KCNAB1: variants seen among roughly 807,000 people sequenced by gnomAD.
KCNAB1 encodes potassium voltage-gated channel subfamily A regulatory beta subunit 1.
In KCNAB1, 35 loss-of-function variants were observed where a neutral mutation model predicts 64.6. The observed-to-expected ratio is 0.54, with a 90% CI of 0.41 to 0.72. The LOEUF (loss-of-function observed/expected upper bound fraction) is 0.72. KCNAB1 is among the 30% of genes least tolerant of loss of function. The pLI, the probability that KCNAB1 is intolerant of heterozygous loss-of-function variation, is 0.00. For missense variants in KCNAB1, 401 were observed against 512.9 expected (o/e 0.78, Z 2.11); for synonymous variants, 177 against 183.8 (o/e 0.96, Z 0.30).
chr3:156,345,633 G>A (rs959815888), intron 1 of KCNAB1, among the ~76,000 whole-genome samples: 1 of 152,242 alleles, frequency 6.6e-6, no homozygotes, highest in South Asian at 2.1e-4. Flanking sequence ...TTGTTGAATA[G>A]TGAGGACAGA....
At chr3:156,469,620 C>G (rs1295182882) in intron 7 of KCNAB1, among the ~76,000 whole-genome samples, 1 of 152,050 alleles carries the variant, frequency 6.6e-6, no homozygotes. Context: ...ATGGATAAAC[C>G]AGTTCAGCTG....
At chr3:156,168,279 G>C (rs76412240) in intron 1 of KCNAB1, among the ~76,000 whole-genome samples, 1 of 151,362 alleles carries the variant, frequency 6.6e-6, no homozygotes, top group East Asian at 2.0e-4. Context: ...CAGCATATAA[G>C]TATCTATCAA....
intron 1 of KCNAB1, among the ~76,000 whole-genome samples, chr3:156,168,944 T>G (rs1711782195): frequency 1.3e-5 from 2 of 152,218 alleles, no homozygotes; most frequent in South Asian, 4.1e-4. Flanking sequence ...TCCATGACTC[T>G]GATGAAGATG....
At chr3:156,525,929 A>C (rs953963398) in intron 12 of KCNAB1, among the ~76,000 whole-genome samples, 2 of 152,224 alleles carry the variant, frequency 1.3e-5, no homozygotes, top group Admixed American at 6.5e-5. Flanking sequence ...CTAAGTGCAC[A>C]GTGTTTACAA....
chr3:156,411,803 A>C (rs1438212365), intron 1 of KCNAB1, among the ~76,000 whole-genome samples: 1 of 152,170 alleles, frequency 6.6e-6, no homozygotes, highest in Non-Finnish European at 1.5e-5. Flanking sequence ...TTAAATCTTG[A>C]AATCAGATAG....
upstream of KCNAB1, among the ~76,000 whole-genome samples, chr3:156,118,838 C>T (rs1238498736): frequency 1.3e-5 from 2 of 152,220 alleles, no homozygotes; most frequent in East Asian, 3.9e-4. Flanking sequence ...CTCCAGTCTA[C>T]ACTTCGGGGA....
chr3:156,340,572 C>T (rs2108064376), intron 1 of KCNAB1, among the ~76,000 whole-genome samples: 1 of 152,300 alleles, frequency 6.6e-6, no homozygotes, highest in Middle Eastern at 3.4e-3. Flanking sequence ...CCTTCCTAAC[C>T]CATCTTGGTT....
At chr3:156,158,175 AT>A (rs368156694) in intron 1 of KCNAB1, among the ~76,000 whole-genome samples, 33,795 of 112,618 alleles carry the variant, frequency 0.3, 6,370 homozygotes, top group East Asian at 0.52. Context: ...AAAAAAAAAA[AT>A]AAAAAATAAA....
At chr3:156,473,236 A>G (rs1041847582) in intron 7 of KCNAB1, among the ~76,000 whole-genome samples, 1 of 152,176 alleles carries the variant, frequency 6.6e-6, no homozygotes, top group Non-Finnish European at 1.5e-5. Context: ...GCAATTCTGA[A>G]GGTGTCAGTA....
At chr3:156,482,161 T>C (rs1559908348) in intron 8 of KCNAB1, among the ~76,000 whole-genome samples, 1 of 152,078 alleles carries the variant, frequency 6.6e-6, no homozygotes, top group African/African-American at 2.4e-5. Context: ...AAACTCTTTA[T>C]GCCCTTTAAG....
At chr3:156,268,408 A>T (rs1266937834) in intron 1 of KCNAB1, among the ~76,000 whole-genome samples, 1 of 152,208 alleles carries the variant, frequency 6.6e-6, no homozygotes, top group Admixed American at 6.5e-5. Flanking sequence ...TTGCTGGATC[A>T]TATAGTAGCT....
intron 1 of KCNAB1, among the ~76,000 whole-genome samples, chr3:156,333,462 AT>A (rs1723481448): frequency 6.6e-6 from 1 of 152,054 alleles, no homozygotes; most frequent in South Asian, 2.1e-4. Flanking sequence ...TCATATCAGT[AT>A]GTATTGCTTC....
chr3:156,210,240 T>C (rs1261906121), intron 1 of KCNAB1, among the ~76,000 whole-genome samples: 1 of 152,164 alleles, frequency 6.6e-6, no homozygotes, highest in East Asian at 1.9e-4. Flanking sequence ...TTGGCCCTGC[T>C]CTATGGAGCA....
chr3:156,191,951 A>G (rs1348766483), intron 1 of KCNAB1, among the ~76,000 whole-genome samples: 2 of 152,176 alleles, frequency 1.3e-5, no homozygotes, highest in Non-Finnish European at 2.9e-5. Context: ...TAATACCTAA[A>G]GTTTTACAGC....
At chr3:156,178,190 T>A (rs1712529129) in intron 1 of KCNAB1, among the ~76,000 whole-genome samples, 1 of 152,224 alleles carries the variant, frequency 6.6e-6, no homozygotes, top group Non-Finnish European at 1.5e-5. Flanking sequence ...CGTGTTCCTG[T>A]GAACCTGCTT....
Position 156,190,848 on chromosome 3 carries a change from G to A in KCNAB1, c.275+69962G>A, listed in dbSNP as rs370090526. Reference sequence around the variant, plus strand: ...AGCTGGGATTACAGGTGCTACCACCGCGCCTGGCTAATTTTTATATTTTTA... The same window carrying A: ...AGCTGGGATTACAGGTGCTACCACCACGCCTGGCTAATTTTTATATTTTTA... On this transcript the variant is annotated intron_variant, in intron 1 of 13. Coordinates refer to ENST00000490337, the MANE Select transcript of KCNAB1 (RefSeq NM_172160.3). 3.3e-5 allele frequency among the ~76,000 whole-genome samples: 5 copies of A among 152,110 alleles called. No homozygotes were observed. The East Asian group carries it at 5.8e-4, about 18-fold the overall frequency.
intron 11 of KCNAB1, among the ~76,000 whole-genome samples, chr3:156,517,789 A>G (rs745999125): frequency 6.6e-6 from 1 of 152,250 alleles, no homozygotes; most frequent in East Asian, 1.9e-4. Context: ...CTATATATGC[A>G]GAGTGTTTGT....
chr3:156,297,705 C>A (rs776941490), intron 1 of KCNAB1, among the ~76,000 whole-genome samples: 1 of 152,072 alleles, frequency 6.6e-6, no homozygotes, highest in Non-Finnish European at 1.5e-5. Flanking sequence ...TGAATTAAAA[C>A]AATTCAACTG....
intron 1 of KCNAB1, among the ~76,000 whole-genome samples, chr3:156,397,013 A>G (rs996902376): frequency 6.6e-6 from 1 of 152,234 alleles, no homozygotes; most frequent in Admixed American, 6.5e-5. Context: ...TGATGTGTAC[A>G]TGTAAAAATA....
Sources: allele counts gnomAD v4.1 joint callset (sites outside exome capture counted in the v4.1 genomes callset), GRCh38; gene constraint gnomAD v4.1.1; transcripts MANE v1.5; gene names NCBI Gene and HGNC (gene_info 2026-07-23, HGNC 2026-07-21).